The following ANKMY2 variants were observed in gnomAD, a reference collection of about 807,000 sequenced individuals.
ANKMY2 encodes the protein ankyrin repeat and MYND domain-containing protein 2.
In ANKMY2, 36 loss-of-function variants were observed where a neutral mutation model predicts 50.4. The observed-to-expected ratio is 0.71, with a 90% confidence interval of 0.55 to 0.94. The LOEUF (loss-of-function observed/expected upper bound fraction) is 0.94, where lower values mean the gene tolerates loss of function less well. ANKMY2 is among the 40% of genes least tolerant of loss of function. ANKMY2 has a pLI of 0.00. For missense variants in ANKMY2, 565 were observed against 524.0 expected (o/e 1.08, Z -0.76); for synonymous variants, 187 against 178.8 (o/e 1.05, Z -0.36).
At chr7:16,611,512 A>G (rs1781250614) in intron 5 of ANKMY2, among the ~76,000 whole-genome samples, 2 of 152,218 alleles carry the variant, frequency 1.3e-5, no homozygotes. Context: ...GTAGGTCTGC[A>G]AAGGACTGCT....
intron 7 of ANKMY2, among the ~76,000 whole-genome samples, chr7:16,606,260 G>C (rs149310760): frequency 6.6e-6 from 1 of 151,928 alleles, no homozygotes; most frequent in Non-Finnish European, 1.5e-5. Flanking sequence ...GTGAAGCCCC[G>C]ACTCTACTGA....
At chr7:16,635,747 T>C (rs749860277) in intron 2 of ANKMY2, among the ~76,000 whole-genome samples, 1 of 152,186 alleles carries the variant, frequency 6.6e-6, no homozygotes, top group Non-Finnish European at 1.5e-5. Context: ...TCAAATAATA[T>C]ACTCAGTTAA....
rs73078994 is a variant in ANKMY2 at position 16,620,231 on chromosome 7, A to G, written c.371-4327T>C. Reference sequence around the variant, plus strand: ...GAGAGGACAGTAAGAGAGTGAGTTCATATGAGTGGGTGAAGATAGATGACA... The same window carrying G: ...GAGAGGACAGTAAGAGAGTGAGTTCGTATGAGTGGGTGAAGATAGATGACA... On this transcript the variant is annotated intron_variant, in intron 4 of 9. Coordinates refer to ENST00000306999, the MANE Select transcript of ANKMY2 (RefSeq NM_020319.3). Among the ~76,000 whole-genome samples the G allele has an allele frequency of 2.6e-3, 389 of 152,324 alleles. 2 individuals are homozygous for G. The highest frequency in any genetic ancestry group is 8.8e-3 in the African/African-American group (364 of 41,586).
intron 5 of ANKMY2, 95 bp downstream of exon 5, chr7:16,615,649 C>T (rs1171512114): frequency 6.6e-7 from 1 of 1,511,222 alleles, no homozygotes; most frequent in African/African-American, 1.4e-5. Context: ...ACTACAAAAC[C>T]CACCCCAAGA....
intron 1 of ANKMY2, among the ~76,000 whole-genome samples, chr7:16,640,295 A>C (rs1781727061): frequency 1.3e-5 from 2 of 152,230 alleles, no homozygotes; most frequent in Non-Finnish European, 2.9e-5. Context: ...AATGTGGAGC[A>C]CATATAAGCC....
chr7:16,624,374 AC>A (rs1170144035), intron 4 of ANKMY2, among the ~76,000 whole-genome samples: 1 of 152,238 alleles, frequency 6.6e-6, no homozygotes, highest in Non-Finnish European at 1.5e-5. Flanking sequence ...AATAGGATTA[AC>A]ATGCCAAGAA....
chr7:16,606,901 G>A (rs1361310179), intron 7 of ANKMY2, among the ~76,000 whole-genome samples: 2 of 152,196 alleles, frequency 1.3e-5, no homozygotes, highest in African/African-American at 4.8e-5. Context: ...GAGACAGGCA[G>A]AAGCCAGAGT....
At chr7:16,635,617 G>A (rs550555300) in intron 2 of ANKMY2, among the ~76,000 whole-genome samples, 2 of 152,214 alleles carry the variant, frequency 1.3e-5, no homozygotes, top group South Asian at 4.1e-4. Flanking sequence ...GTCACACATG[G>A]CCAATGGCTA....
At chr7:16,637,298 C>T (rs1333265421) in intron 1 of ANKMY2, among the ~76,000 whole-genome samples, 4 of 152,198 alleles carry the variant, frequency 2.6e-5, no homozygotes, top group Non-Finnish European at 4.4e-5. Context: ...CAGGTTATTT[C>T]CTCTCTTTAA....
chr7:16,613,059 T>C (rs1006617616), intron 5 of ANKMY2, among the ~76,000 whole-genome samples: 1 of 152,300 alleles, frequency 6.6e-6, no homozygotes, highest in South Asian at 2.1e-4. Context: ...GACATGATTG[T>C]TCTGTGCACA....
rs369003149 is a variant in ANKMY2, at chr7:16,603,007, A to G, written c.1012-498T>C. Among the ~76,000 whole-genome samples, 6 of 152,352 alleles carry G rather than the reference A, an allele frequency of 3.9e-5. 1 individual carries two copies. The highest frequency in any genetic ancestry group is 6.8e-3 in the Middle Eastern group (2 of 294). ...TGAGCCCATTAAACCTCTTTTCTTT[A>G]TAAATGACCCAGTCTCAAGTATTTC... is the stretch of plus-strand genomic sequence containing the variant. On this transcript the variant is annotated intron_variant, in intron 8 of 9. Transcript: ENST00000306999.
chr7:16,604,846 A>T lies in ANKMY2; in HGVS notation c.886T>A (p.Ser296Thr). The T allele has an allele frequency of 6.2e-7, 1 of 1,608,970 alleles. No individual in the cohort carries two copies. The highest frequency in any genetic ancestry group is 1.7e-5 in the Admixed American group (1 of 58,368). ...VRSIAPVEIG[S>T]DPTAFSVLTQ... is the part of the protein sequence containing the mutation. ...AGGACGGAGAATGCAGTGGGATCAG[A>T]ACCCTAGAGTGGGCATGAAGAGGAG... Residue 296 changes from serine (S) to threonine (T), a missense_variant, in exon 8 of 10, where the codon TCT (serine) becomes ACT (threonine). By Grantham distance (58) the Ser-to-Thr change is moderately conservative. Coordinates refer to ENST00000306999, the MANE Select transcript of ANKMY2 (RefSeq NM_020319.3).
intron 1 of ANKMY2, among the ~76,000 whole-genome samples, chr7:16,640,629 C>T (rs1286231034): frequency 6.6e-6 from 1 of 152,126 alleles, no homozygotes. Context: ...TCAAGCAATC[C>T]TCCTGCCTCA....
intron 4 of ANKMY2, among the ~76,000 whole-genome samples, chr7:16,619,486 T>C (rs2128343776): frequency 6.6e-6 from 1 of 152,284 alleles, no homozygotes; most frequent in South Asian, 2.1e-4. Flanking sequence ...AAAAATAGTA[T>C]TACTTTACCT....
chr7:16,627,318 T>C, intron 2 of ANKMY2, 140 bp from the exon 3 acceptor site: 1 of 529,198 alleles, frequency 1.9e-6, no homozygotes, highest in Admixed American at 4.1e-5. Context: ...TATATTTGCT[T>C]CCACACTTTG....
At chr7:16,644,842 G>A (rs1156598887) in intron 1 of ANKMY2, 1 of 402,718 alleles carries the variant, frequency 2.5e-6, no homozygotes, top group South Asian at 1.8e-5. Flanking sequence ...AAGCGCGAAG[G>A]AGCGCGATTA....
chr7:16,637,997 A>G (rs1781691298), intron 1 of ANKMY2, among the ~76,000 whole-genome samples: 1 of 152,246 alleles, frequency 6.6e-6, no homozygotes, highest in African/African-American at 2.4e-5. Context: ...AATAGCCAAC[A>G]ATCTAAGTTA....
At chr7:16,614,953 G>C (rs944048451) in intron 5 of ANKMY2, among the ~76,000 whole-genome samples, 4 of 152,158 alleles carry the variant, frequency 2.6e-5, no homozygotes, top group Non-Finnish European at 5.9e-5. Flanking sequence ...TACTTGTTTA[G>C]CTGGATTTTT....
chr7:16,633,505 C>A (rs1229285006), intron 2 of ANKMY2, among the ~76,000 whole-genome samples: 1 of 151,942 alleles, frequency 6.6e-6, no homozygotes, highest in Non-Finnish European at 1.5e-5. Flanking sequence ...AAACAGTCAG[C>A]AATTTTTATT....
Sources: allele counts gnomAD v4.1 joint callset (sites outside exome capture counted in the v4.1 genomes callset), GRCh38; gene constraint gnomAD v4.1.1; transcripts MANE v1.5; gene names NCBI Gene and HGNC (gene_info 2026-07-23, HGNC 2026-07-21).